Variants in BNC2 observed in about 807,000 individuals in gnomAD.
BNC2 encodes basonuclin zinc finger protein 2.
A neutral mutation model predicts 76.3 loss-of-function variants in BNC2; 20 were observed. The observed-to-expected ratio is 0.26, with a 90% CI of 0.18 to 0.38. The LOEUF (loss-of-function observed/expected upper bound fraction) is 0.38. Among genes scored for constraint, BNC2 ranks in the 10% least tolerant of loss-of-function variants. BNC2 has a pLI of 1.00. For synonymous variants in BNC2, 582 were observed against 514.8 expected, an observed-to-expected ratio of 1.13 and a Z score of -1.77; for missense variants, 1,382 against 1,399.8, an observed-to-expected ratio of 0.99 and a Z score of 0.20.
intron 5 of BNC2, among the ~76,000 whole-genome samples, chr9:16,461,793 T>G (rs1821588553): frequency 6.6e-6 from 1 of 152,222 alleles, no homozygotes; most frequent in Non-Finnish European, 1.5e-5. Context: ...ACTCACAACC[T>G]TCTTGTGAAT....
intron 3 of BNC2, among the ~76,000 whole-genome samples, chr9:16,662,839 A>G (rs1822149398): frequency 6.6e-6 from 1 of 152,218 alleles, no homozygotes; most frequent in Non-Finnish European, 1.5e-5. Flanking sequence ...CCTTCTCTAG[A>G]AACACCATTC....
intron 3 of BNC2, among the ~76,000 whole-genome samples, chr9:16,678,159 AG>A (rs1181246051): frequency 6.6e-5 from 10 of 152,050 alleles, no homozygotes; most frequent in African/African-American, 2.2e-4. Context: ...CAGTAAGGTA[AG>A]GGAGGGACGA....
chr9:16,566,024 T>A (rs1244908072), intron 4 of BNC2, among the ~76,000 whole-genome samples: 1 of 152,172 alleles, frequency 6.6e-6, no homozygotes, highest in African/African-American at 2.4e-5. Flanking sequence ...AACGTTTACT[T>A]TCAACGCTGT....
At chr9:16,692,357 T>C (rs1823198045) in intron 3 of BNC2, among the ~76,000 whole-genome samples, 1 of 152,186 alleles carries the variant, frequency 6.6e-6, no homozygotes, top group Non-Finnish European at 1.5e-5. Flanking sequence ...GAGTTCTAGC[T>C]TTGCAATTAG....
chr9:16,571,233 G>C (rs1281359074), intron 4 of BNC2, among the ~76,000 whole-genome samples: 1 of 152,058 alleles, frequency 6.6e-6, no homozygotes, highest in African/African-American at 2.4e-5. Context: ...TTAATTAAAA[G>C]TGTGTTGATA....
chr9:16,817,217 A>T (rs1302532247), intron 1 of BNC2, among the ~76,000 whole-genome samples: 1 of 152,226 alleles, frequency 6.6e-6, no homozygotes, highest in Non-Finnish European at 1.5e-5. Context: ...AGACTGGTGT[A>T]GATTTGTGCT....
chr9:16,551,986 T>G (rs911824077), intron 5 of BNC2, among the ~76,000 whole-genome samples: 1 of 152,188 alleles, frequency 6.6e-6, no homozygotes, highest in Non-Finnish European at 1.5e-5. Context: ...GGTAGAAATC[T>G]GAAGGCTATC....
chr9:16,519,094 A>G (rs1194720236), intron 5 of BNC2, among the ~76,000 whole-genome samples: 1 of 152,220 alleles, frequency 6.6e-6, no homozygotes, highest in Non-Finnish European at 1.5e-5. Context: ...TTTCTTTTAA[A>G]CAGGGATGAA....
Position 16,552,558 on chromosome 9 carries a change from C to T in BNC2, c.641G>A (p.Arg214Gln), listed in dbSNP as rs1040504644. The T allele has an allele frequency of 8.7e-6, 14 of 1,614,080 alleles. No homozygotes were observed. Among genetic ancestry groups the T allele is most frequent in the Non-Finnish European group, 1.1e-5 (13 of 1,180,040 alleles). The change falls in exon 5 of 7, where the codon CGG (arginine) becomes CAG (glutamine). Residue 214 changes from arginine (R) to glutamine (Q), a missense_variant. Physicochemically the swap from Arg to Gln is conservative, Grantham distance 43. Coordinates refer to ENST00000380672, the MANE Select transcript of BNC2 (RefSeq NM_017637.6). The stretch of plus-strand genomic sequence containing the variant: ...AAGGATGTATCCTCGGACATAGTCC[C>T]GCAGAGTCCAGCCAAGGCCGTGCAG... ...HILHGLGWTL[R>Q]DYVRGYILQD...
intron 5 of BNC2, among the ~76,000 whole-genome samples, chr9:16,551,724 C>T (rs915888556): frequency 6.6e-6 from 1 of 152,186 alleles, no homozygotes; most frequent in African/African-American, 2.4e-5. Context: ...TCAAGGGTTA[C>T]AGGAAGACAG....
chr9:16,781,019 G>A (rs58680196), intron 1 of BNC2, among the ~76,000 whole-genome samples: 2,477 of 151,636 alleles, frequency 0.016, 61 homozygotes, highest in African/African-American at 0.058. Context: ...GAAAAAAAAA[G>A]AGAGAGAGAA....
intron 4 of BNC2, among the ~76,000 whole-genome samples, chr9:16,563,087 C>T (rs1819063796): frequency 6.6e-6 from 1 of 152,108 alleles, no homozygotes; most frequent in Non-Finnish European, 1.5e-5. Flanking sequence ...TCAAATTTGT[C>T]AGTCCCACTG....
chr9:16,680,631 A>C (rs996311060), intron 3 of BNC2, among the ~76,000 whole-genome samples: 1 of 152,020 alleles, frequency 6.6e-6, no homozygotes, highest in South Asian at 2.1e-4. Context: ...CATTTGCCAA[A>C]AAGTGTAAAA....
chr9:16,620,426 C>A (rs1820833707), intron 3 of BNC2, among the ~76,000 whole-genome samples: 1 of 152,142 alleles, frequency 6.6e-6, no homozygotes, highest in African/African-American at 2.4e-5. Context: ...TGGCTAAATT[C>A]CTGATCCATT....
chr9:16,580,535 T>C (rs1352371967), intron 4 of BNC2, among the ~76,000 whole-genome samples: 1 of 152,156 alleles, frequency 6.6e-6, no homozygotes, highest in African/African-American at 2.4e-5. Context: ...CAGAAAGTCC[T>C]CGAAACAATC....
chr9:16,793,443 A>C (rs1256477272), intron 1 of BNC2, among the ~76,000 whole-genome samples: 2 of 152,170 alleles, frequency 1.3e-5, no homozygotes, highest in Non-Finnish European at 2.9e-5. Flanking sequence ...AAGCCAGTGA[A>C]CATTTTCTTT....
chr9:16,484,606 TG>T (rs1234527357), intron 5 of BNC2, among the ~76,000 whole-genome samples: 4 of 152,226 alleles, frequency 2.6e-5, no homozygotes, highest in Admixed American at 6.5e-5. Flanking sequence ...AAAACAGAGC[TG>T]GCTGGCATGC....
In BNC2 at chr9:16,412,118, A is replaced by G. The variant is rs1586998866; in HGVS notation, c.*6871T>C. 1 of 152,740 alleles carries G rather than the reference A, an allele frequency of 6.5e-6. No individual in the cohort carries two copies. The highest frequency in any genetic ancestry group is 3.4e-3 in the Middle Eastern group (1 of 294). 9.5% of individuals were successfully genotyped at this position (152,740 alleles called of 1,614,324 possible). ...ATTTTCTAAAGCTCCCTGTACTTGT[A>G]CTTACCAAAGTTCTTCAAAGTGGAG... On this transcript the variant is annotated 3_prime_UTR_variant, in exon 7 of 7. Transcript: ENST00000380672.
At chr9:16,792,071 C>T (rs1488897861) in intron 1 of BNC2, among the ~76,000 whole-genome samples, 1 of 146,490 alleles carries the variant, frequency 6.8e-6, no homozygotes, top group East Asian at 2.0e-4. Flanking sequence ...CACTGTACTC[C>T]AGCCTGGGTG....
Sources: gnomAD v4.1 joint callset for allele counts (sites outside exome capture counted in the v4.1 genomes callset) on GRCh38, gnomAD v4.1.1 for gene constraint, MANE v1.5 for transcripts, NCBI Gene and HGNC (gene_info 2026-07-23, HGNC 2026-07-21) for gene names.